The following SCFD2 variants were observed in gnomAD, a reference collection of about 807,000 sequenced individuals.
SCFD2 encodes sec1 family domain containing 2, also known as sec1 family domain-containing protein 2.
A neutral mutation model predicts 58.9 loss-of-function variants in SCFD2; 54 were observed. The observed-to-expected ratio is 0.92, with a 90% CI of 0.74 to 1.15. SCFD2 has a LOEUF of 1.15. Among genes scored for constraint, SCFD2 ranks in the 50% most tolerant of loss-of-function variants. SCFD2 has a pLI of 0.00. For missense variants in SCFD2, 805 were observed against 836.6 expected (o/e 0.96, Z 0.47); for synonymous variants, 321 against 335.9 (o/e 0.96, Z 0.49).
At chr4:53,287,856 A>C (rs1260986366) in intron 3 of SCFD2, among the ~76,000 whole-genome samples, 1 of 152,222 alleles carries the variant, frequency 6.6e-6, no homozygotes, top group Admixed American at 6.5e-5. Context: ...AAAATAATTC[A>C]TGATCTGAAT....
chr4:53,156,620 C>A (rs1213675501), intron 4 of SCFD2, among the ~76,000 whole-genome samples: 2 of 152,180 alleles, frequency 1.3e-5, no homozygotes, highest in Non-Finnish European at 2.9e-5. Flanking sequence ...ATGGCATGAA[C>A]CCAGGAGGCG....
chr4:53,045,769 T>C (rs1360549052), intron 5 of SCFD2, among the ~76,000 whole-genome samples: 3 of 152,324 alleles, frequency 2.0e-5, no homozygotes, highest in Non-Finnish European at 4.4e-5. Context: ...ATTATTTACA[T>C]ATTTTGGAAA....
chr4:53,146,195 A>T (rs1287719069), intron 4 of SCFD2, among the ~76,000 whole-genome samples: 1 of 152,000 alleles, frequency 6.6e-6, no homozygotes, highest in Non-Finnish European at 1.5e-5. Context: ...AATTTAAAAA[A>T]ATTGCCTTTA....
intron 5 of SCFD2, among the ~76,000 whole-genome samples, chr4:53,039,137 G>A (rs1169135623): frequency 6.6e-6 from 1 of 152,044 alleles, no homozygotes. Context: ...GCTCTTCTGG[G>A]CTTTCACTTT....
At chr4:53,081,632 G>T (rs1274492009) in intron 5 of SCFD2, among the ~76,000 whole-genome samples, 1 of 152,078 alleles carries the variant, frequency 6.6e-6, no homozygotes, top group African/African-American at 2.4e-5. Context: ...TTTGTTCATT[G>T]ATTTTTATAG....
rs77400182 is a variant in SCFD2 at position 53,210,567 on chromosome 4, GTAAAACAATACCACT to G, written c.1311+63244_1311+63258del. ...CAGACATTAAAGGGATTTGCAGAATGTAAAACAATACCACTCATCTCACTAAATATTTCTGTTCTG... is the reference window on the plus strand; with the variant it reads ...CAGACATTAAAGGGATTTGCAGAATGCATCTCACTAAATATTTCTGTTCTG... On this transcript the variant is annotated intron_variant, in intron 4 of 8. Coordinates refer to ENST00000401642, the MANE Select transcript of SCFD2 (RefSeq NM_152540.4). 3.1e-3 allele frequency among the ~76,000 whole-genome samples: 464 copies of G among 152,130 alleles called. 1 individual carries two copies. Among genetic ancestry groups the G allele is most frequent in the Non-Finnish European group, 5.3e-3 (362 of 68,000 alleles).
intron 4 of SCFD2, among the ~76,000 whole-genome samples, chr4:53,154,355 G>T (rs184381336): frequency 1.3e-5 from 2 of 152,274 alleles, no homozygotes; most frequent in South Asian, 4.2e-4. Context: ...ATCACATGGT[G>T]AAAGAGAATG....
chr4:52,996,254 G>A (rs1240686167), intron 5 of SCFD2, among the ~76,000 whole-genome samples: 1 of 152,170 alleles, frequency 6.6e-6, no homozygotes, highest in Non-Finnish European at 1.5e-5. Flanking sequence ...TAGCCATAAG[G>A]ACCCCACTGC....
intron 4 of SCFD2, among the ~76,000 whole-genome samples, chr4:53,193,663 A>G (rs1727978253): frequency 6.6e-6 from 1 of 152,234 alleles, no homozygotes; most frequent in Admixed American, 6.5e-5. Flanking sequence ...CTTATATGCC[A>G]AATTAAGACC....
intron 5 of SCFD2, among the ~76,000 whole-genome samples, chr4:53,117,876 C>A (rs1725370238): frequency 6.6e-6 from 1 of 152,296 alleles, no homozygotes; most frequent in South Asian, 2.1e-4. Flanking sequence ...ATTCATTTTT[C>A]CATCCAATCA....
At chr4:53,253,633 G>C (rs180735588) in intron 4 of SCFD2, among the ~76,000 whole-genome samples, 1 of 149,652 alleles carries the variant, frequency 6.7e-6, no homozygotes, top group Non-Finnish European at 1.5e-5. Context: ...GTAAACTATC[G>C]CAAGAACAAA....
In SCFD2 at chr4:53,135,988, C is replaced by T. The variant is rs1177070772; in HGVS notation, c.1561+9345G>A. On this transcript the variant is annotated intron_variant, in intron 5 of 8. Coordinates refer to ENST00000401642, the MANE Select transcript of SCFD2 (RefSeq NM_152540.4). ...ACACAATATAATTATGCTTTTGATA[C>T]CTGTTAATTGAAAAATGGGAAAAAA... 4.6e-5 allele frequency among the ~76,000 whole-genome samples: 7 copies of T among 152,118 alleles called. No individual in the cohort carries two copies. In the East Asian group the frequency reaches 1.3e-3, roughly 29 times the overall value.
chr4:53,294,853 A>G (rs944117073), intron 3 of SCFD2, among the ~76,000 whole-genome samples: 11 of 152,186 alleles, frequency 7.2e-5, no homozygotes, highest in Non-Finnish European at 1.5e-4. Flanking sequence ...AGCTTTCTGC[A>G]TATGGCTAGC....
intron 3 of SCFD2, among the ~76,000 whole-genome samples, chr4:53,286,530 C>A (rs1331589754): frequency 1.3e-5 from 2 of 152,116 alleles, no homozygotes; most frequent in Non-Finnish European, 2.9e-5. Context: ...ACCTGGAGCT[C>A]CTGCACAGCA....
intron 5 of SCFD2, among the ~76,000 whole-genome samples, chr4:53,043,134 G>A (rs924151449): frequency 3.3e-5 from 5 of 152,180 alleles, no homozygotes; most frequent in African/African-American, 1.2e-4. Flanking sequence ...AAGAGAGGCA[G>A]GGGTGAGAGG....
At chr4:52,890,925 A>G (rs562187452) in intron 7 of SCFD2, among the ~76,000 whole-genome samples, 4 of 152,210 alleles carry the variant, frequency 2.6e-5, no homozygotes, top group African/African-American at 7.2e-5. Context: ...TTCCTCCTCC[A>G]CATGGTGCTC....
chr4:53,164,656 T>C (rs1307179245), intron 4 of SCFD2, among the ~76,000 whole-genome samples: 3 of 151,684 alleles, frequency 2.0e-5, no homozygotes, highest in Non-Finnish European at 2.9e-5. Context: ...TAGCCGGGTG[T>C]GGTGGCATGC....
intron 5 of SCFD2, among the ~76,000 whole-genome samples, chr4:53,035,569 C>A (rs1279936103): frequency 1.3e-5 from 2 of 152,164 alleles, no homozygotes; most frequent in African/African-American, 4.8e-5. Flanking sequence ...TTTCTGCAAT[C>A]TATCCATCTG....
chr4:53,296,962 T>A (rs1193727934), intron 3 of SCFD2, among the ~76,000 whole-genome samples: 1 of 152,232 alleles, frequency 6.6e-6, no homozygotes, highest in East Asian at 1.9e-4. Flanking sequence ...GTGAGTTTCT[T>A]AATCCTCAGT....
Sources: gnomAD v4.1 joint callset for allele counts (sites outside exome capture counted in the v4.1 genomes callset) on GRCh38, gnomAD v4.1.1 for gene constraint, MANE v1.5 for transcripts, NCBI Gene and HGNC (gene_info 2026-07-23, HGNC 2026-07-21) for gene names.